The following DOCK1 variants were observed in gnomAD, a reference collection of about 807,000 sequenced individuals.
DOCK1 encodes the protein dedicator of cytokinesis protein 1.
A neutral mutation model predicts 262.7 loss-of-function variants in DOCK1; 138 were observed. The ratio of observed to expected loss-of-function variants is 0.53; its 90% CI spans 0.46 to 0.61. The LOEUF (loss-of-function observed/expected upper bound fraction) is 0.61, where lower values mean the gene tolerates loss of function less well. Among genes scored for constraint, DOCK1 ranks in the 20% least tolerant of loss-of-function variants. The pLI, the probability that DOCK1 is intolerant of heterozygous loss-of-function variation, is 0.00. For synonymous variants in DOCK1, 866 were observed against 867.4 expected, an observed-to-expected ratio of 1.00 and a Z score of 0.03; for missense variants, 1,908 against 2,370.7, an observed-to-expected ratio of 0.80 and a Z score of 4.05.
chr10:127,175,301 C>T lies in DOCK1; in HGVS notation c.2847+47537C>T. ...CTTGGCTTGAACTGATCAAGTTCTC[C>T]ATCATCTGAAGTTGTGCTTTGAGGT... is the stretch of plus-strand genomic sequence containing the variant. On this transcript the variant is annotated intron_variant, in intron 27 of 51. Transcript: ENST00000623213. This position sits in a 1 kb window ranked among gnomAD's most constrained non-coding sequence, Gnocchi z 6.3. The T allele has an allele frequency of 6.2e-7, 1 of 1,614,168 alleles. No individual in the cohort carries two copies.
intron 37 of DOCK1, among the ~76,000 whole-genome samples, chr10:127,384,460 G>T (rs556163011): frequency 7.2e-5 from 11 of 152,342 alleles, no homozygotes; most frequent in African/African-American, 2.6e-4. Context: ...CTGGGGTGCC[G>T]CTCTTGGGAT....
In DOCK1 at chr10:127,373,800, C is replaced by G. The variant is rs2065339514; in HGVS notation, c.3452C>G (p.Thr1151Ser). 1 of 1,611,092 alleles carries G rather than the reference C, an allele frequency of 6.2e-7. No individual in the cohort carries two copies. Among genetic ancestry groups the G allele is most frequent in the Non-Finnish European group, 8.5e-7 (1 of 1,178,774 alleles). ...SFQMFENEII[T>S]KLDHEVEGGR... The stretch of plus-strand genomic sequence containing the variant: ...TTATAGTTTGAAAATGAGATCATCA[C>G]CAAGCTGGATCATGAAGTCGAAGGA... The change falls in exon 34 of 52, where the codon ACC becomes AGC. Residue 1151 changes from threonine to serine, a missense_variant. Thr to Ser is a moderately conservative substitution (Grantham distance 58). Coordinates refer to ENST00000623213, the MANE Select transcript of DOCK1 (RefSeq NM_001290223.2).
intron 23 of DOCK1, among the ~76,000 whole-genome samples, chr10:127,094,968 C>G (rs1305687962): frequency 6.6e-6 from 1 of 152,212 alleles, no homozygotes; most frequent in African/African-American, 2.4e-5. Flanking sequence ...CCAAGGCTCT[C>G]TGCCCTCTCC....
chr10:126,920,050 C>G (rs980166471), intron 1 of DOCK1, among the ~76,000 whole-genome samples: 2 of 152,156 alleles, frequency 1.3e-5, no homozygotes, highest in Admixed American at 6.5e-5. Context: ...CTAAAACTCC[C>G]TCCACCCCGG....
At chr10:126,983,355 T>A (rs376262892) in intron 4 of DOCK1, among the ~76,000 whole-genome samples, 43 of 152,270 alleles carry the variant, frequency 2.8e-4, no homozygotes, top group African/African-American at 2.6e-4. Flanking sequence ...TGTTGTAGAC[T>A]TCCACCTTCC....
intron 29 of DOCK1, among the ~76,000 whole-genome samples, chr10:127,327,913 C>T (rs1246893667): frequency 1.3e-5 from 2 of 152,082 alleles, no homozygotes; most frequent in Non-Finnish European, 1.5e-5. Flanking sequence ...CCTTGAGGCT[C>T]CTGCTCTTTC....
At chr10:127,368,749 G>A (rs142599567) in intron 33 of DOCK1, among the ~76,000 whole-genome samples, 3 of 152,006 alleles carry the variant, frequency 2.0e-5, no homozygotes, top group South Asian at 2.1e-4. Context: ...CTGCCCTCCC[G>A]TGGACCGCAC....
intron 1 of DOCK1, among the ~76,000 whole-genome samples, chr10:126,948,635 TG>T (rs1410276338): frequency 6.6e-6 from 1 of 151,920 alleles, no homozygotes; most frequent in African/African-American, 2.4e-5. Context: ...TTTCCCGATG[TG>T]GGGTTGCAGG....
At chr10:127,054,366 C>T (rs1386374729) in intron 22 of DOCK1, among the ~76,000 whole-genome samples, 5 of 152,240 alleles carry the variant, frequency 3.3e-5, no homozygotes, top group East Asian at 1.9e-4. Context: ...CCACAGTCCT[C>T]GTGCTGCCAT....
At chr10:127,167,821 C>G (rs886904607) in intron 27 of DOCK1, among the ~76,000 whole-genome samples, 1 of 151,998 alleles carries the variant, frequency 6.6e-6, no homozygotes, top group South Asian at 2.1e-4. Context: ...CACCACCCCC[C>G]ATCCCCAAAA....
rs550993711 is a variant in DOCK1 at position 127,107,106 on chromosome 10, G to A, written c.2516+805G>A. 1.1e-4 allele frequency among the ~76,000 whole-genome samples: 17 copies of A among 152,078 alleles called. No homozygotes were observed. In the South Asian group the frequency reaches 1.7e-3, roughly 15 times the overall value. ...CAAAGCACTGGAATTACCGACGTGCGCCACCGCTCCCACCCCAGGGATGCA... is the reference window on the plus strand; with the variant it reads ...CAAAGCACTGGAATTACCGACGTGCACCACCGCTCCCACCCCAGGGATGCA... On this transcript the variant is annotated intron_variant, in intron 24 of 51. Transcript: ENST00000623213.
chr10:127,052,635 A>G, intron 21 of DOCK1, 46 bp from the exon 22 acceptor site: 1 of 1,612,862 alleles, frequency 6.2e-7, no homozygotes, highest in Non-Finnish European at 8.5e-7. Flanking sequence ...GATTTGAGAT[A>G]TTTTCCTTTC....
intron 27 of DOCK1, among the ~76,000 whole-genome samples, chr10:127,135,111 C>T (rs1253564684): frequency 6.6e-6 from 1 of 152,176 alleles, no homozygotes; most frequent in African/African-American, 2.4e-5. Context: ...TGTATTTAGC[C>T]ATTTCTTCTG....
At chr10:127,255,295 G>T (rs1030541439) in intron 28 of DOCK1, among the ~76,000 whole-genome samples, 1 of 152,166 alleles carries the variant, frequency 6.6e-6, no homozygotes, top group South Asian at 2.1e-4. Context: ...AGGATACTCA[G>T]GATACTGAAA....
chr10:127,392,895 G>A (rs1322263133), intron 38 of DOCK1, among the ~76,000 whole-genome samples: 1 of 152,188 alleles, frequency 6.6e-6, no homozygotes, highest in Non-Finnish European at 1.5e-5. Flanking sequence ...ATCAGACGGA[G>A]ACAAATTCTT....
At chr10:127,379,180 G>A (rs2065692111) in intron 35 of DOCK1, among the ~76,000 whole-genome samples, 3 of 152,092 alleles carry the variant, frequency 2.0e-5, no homozygotes, top group Admixed American at 1.3e-4. Flanking sequence ...GTGCCTCTCT[G>A]GTGGCTCCTG....
intron 1 of DOCK1, among the ~76,000 whole-genome samples, chr10:126,960,895 G>T: frequency 6.6e-6 from 1 of 150,572 alleles, no homozygotes; most frequent in East Asian, 2.0e-4. Flanking sequence ...AAATAAGATA[G>T]TTGCTGCTAG....
chr10:126,983,860 T>C (rs1466016052), intron 4 of DOCK1, among the ~76,000 whole-genome samples: 1 of 152,200 alleles, frequency 6.6e-6, no homozygotes, highest in Non-Finnish European at 1.5e-5. Flanking sequence ...TCCCATTTTG[T>C]CCTCCATGCT....
At chr10:127,250,052 C>CCCGA (rs2059572411) in intron 28 of DOCK1, among the ~76,000 whole-genome samples, 1 of 152,130 alleles carries the variant, frequency 6.6e-6, no homozygotes, top group Admixed American at 6.5e-5. Context: ...CTAAACTACA[C>CCCGA]CCGACCCCCT....
Sources: gnomAD v4.1 joint callset for allele counts (sites outside exome capture counted in the v4.1 genomes callset) on GRCh38, gnomAD v4.1.1 for gene constraint, Gnocchi (gnomAD v3.1) non-coding constraint, MANE v1.5 for transcripts, NCBI Gene and HGNC (gene_info 2026-07-23, HGNC 2026-07-21) for gene names.